KCTD16: variants seen among roughly 807,000 people sequenced by gnomAD.
KCTD16 encodes the protein BTB/POZ domain-containing protein KCTD16.
Under a neutral mutation model 33.2 loss-of-function variants are expected in KCTD16, and 13 were observed. The ratio of observed to expected loss-of-function variants is 0.39; its 90% confidence interval spans 0.25 to 0.62. KCTD16 has a LOEUF of 0.62. Among genes scored for constraint, KCTD16 ranks in the 20% least tolerant of loss-of-function variants. The probability of loss-of-function intolerance (pLI) is 0.50; values close to 1 mark genes in which losing one functional copy is unlikely to be tolerated. For missense variants in KCTD16, 441 were observed against 525.1 expected (o/e 0.84, Z 1.57); for synonymous variants, 197 against 195.3 (o/e 1.01, Z -0.07).
chr5:144,303,917 C>T, intron 3 of KCTD16, among the ~76,000 whole-genome samples: 1 of 152,178 alleles, frequency 6.6e-6, no homozygotes. Context: ...GCATATCAAC[C>T]TGGCCTATAG....
intron 3 of KCTD16, among the ~76,000 whole-genome samples, chr5:144,312,561 G>T (rs997954335): frequency 2.6e-5 from 4 of 152,146 alleles, no homozygotes; most frequent in Non-Finnish European, 4.4e-5. Flanking sequence ...AATTCAGTTT[G>T]TTCACTACAA....
chr5:144,304,313 T>C (rs995620302), intron 3 of KCTD16, among the ~76,000 whole-genome samples: 1 of 152,196 alleles, frequency 6.6e-6, no homozygotes, highest in African/African-American at 2.4e-5. Flanking sequence ...ACATGTGACA[T>C]AGCAGCAATA....
Position 144,484,512 on chromosome 5 carries a change from A to G in KCTD16, c.*10398A>G, listed in dbSNP as rs1754763948. 1 of 151,968 alleles carries G rather than the reference A, an allele frequency of 6.6e-6. No homozygotes were observed. 9.4% of individuals were successfully genotyped at this position (151,968 alleles called of 1,614,324 possible). A position where few individuals can be genotyped will look rare whatever the true frequency, so the allele number is the denominator to read the frequency against. On this transcript the variant is annotated 3_prime_UTR_variant, in exon 4 of 4. Coordinates refer to ENST00000512467, the MANE Select transcript of KCTD16 (RefSeq NM_020768.4). Reference sequence around the variant, plus strand: ...TCGTCCAAATTAAATTGACTTTTTTACATAACATCAGCACCACCCCTTACA... The same window carrying G: ...TCGTCCAAATTAAATTGACTTTTTTGCATAACATCAGCACCACCCCTTACA...
At chr5:144,310,084 T>C (rs1026818705) in intron 3 of KCTD16, among the ~76,000 whole-genome samples, 2 of 152,124 alleles carry the variant, frequency 1.3e-5, no homozygotes, top group Admixed American at 6.6e-5. Flanking sequence ...AAACTAGATA[T>C]TATTCTCCTC....
chr5:144,338,824 G>A (rs570780462), intron 3 of KCTD16, among the ~76,000 whole-genome samples: 5 of 152,228 alleles, frequency 3.3e-5, no homozygotes, highest in African/African-American at 9.6e-5. Context: ...AGGCCAAGGG[G>A]TTACTCTCAG....
intron 3 of KCTD16, among the ~76,000 whole-genome samples, chr5:144,438,927 T>G (rs1753639042): frequency 6.6e-6 from 1 of 152,160 alleles, no homozygotes; most frequent in Non-Finnish European, 1.5e-5. Context: ...CTCTCCTTAT[T>G]CGGTTAGACA....
intron 3 of KCTD16, among the ~76,000 whole-genome samples, chr5:144,353,537 G>T (rs565557302): frequency 6.6e-6 from 1 of 152,158 alleles, no homozygotes; most frequent in South Asian, 2.1e-4. Context: ...TGTCATTATT[G>T]TAAAAGTTAA....
chr5:144,328,768 C>T (rs1752276207), intron 3 of KCTD16, among the ~76,000 whole-genome samples: 1 of 152,026 alleles, frequency 6.6e-6, no homozygotes, highest in South Asian at 2.1e-4. Flanking sequence ...TTTTGCCCGC[C>T]TGCTTTATGG....
At chr5:144,463,692 G>T (rs184838605) in intron 3 of KCTD16, among the ~76,000 whole-genome samples, 19 of 152,244 alleles carry the variant, frequency 1.2e-4, no homozygotes, top group Non-Finnish European at 5.9e-5. Flanking sequence ...AAAGATTTGG[G>T]TTAGTTGCTG....
chr5:144,369,454 C>T (rs543770572), intron 3 of KCTD16: 2 of 152,250 alleles, frequency 1.3e-5, no homozygotes, highest in Admixed American at 1.3e-4. Context: ...AACCTGTAGT[C>T]AACACGTAAT....
At chr5:144,181,459 A>T (rs1752624788) in intron 2 of KCTD16, among the ~76,000 whole-genome samples, 1 of 152,218 alleles carries the variant, frequency 6.6e-6, no homozygotes. Flanking sequence ...CCTTATAGAG[A>T]TACCTGCACT....
intron 3 of KCTD16, among the ~76,000 whole-genome samples, chr5:144,317,932 C>T (rs979581554): frequency 1.3e-5 from 2 of 152,162 alleles, no homozygotes; most frequent in Middle Eastern, 3.2e-3. Flanking sequence ...TGTATTTCCC[C>T]GGAGTCTATG....
chr5:144,180,796 G>C (rs950798741), intron 2 of KCTD16, among the ~76,000 whole-genome samples: 1 of 151,840 alleles, frequency 6.6e-6, no homozygotes, highest in Non-Finnish European at 1.5e-5. Context: ...CTGAGAGAGA[G>C]AAAAAAAGCT....
At chr5:144,182,750 G>C (rs1391397669) in intron 2 of KCTD16, among the ~76,000 whole-genome samples, 4 of 152,004 alleles carry the variant, frequency 2.6e-5, no homozygotes, top group African/African-American at 9.7e-5. Context: ...CTGTCTGAGA[G>C]AGAGAGAGAG....
chr5:144,310,181 T>A (rs1330352012), intron 3 of KCTD16, among the ~76,000 whole-genome samples: 1 of 152,214 alleles, frequency 6.6e-6, no homozygotes, highest in Non-Finnish European at 1.5e-5. Flanking sequence ...CTTATTTCAC[T>A]TAACATAATG....
At chr5:144,333,370 T>C (rs1399655347) in intron 3 of KCTD16, among the ~76,000 whole-genome samples, 2 of 152,188 alleles carry the variant, frequency 1.3e-5, no homozygotes, top group African/African-American at 4.8e-5. Context: ...GTTCTTCTGC[T>C]CTTCTCATTT....
In KCTD16 at chr5:144,440,732, T is replaced by G. The variant is rs183799333; in HGVS notation, c.833-32928T>G. ...TTCTCTAATGATGAATAATGTTGAGTTTTTTTATTTTATTTTATTATTATT... is the reference window on the plus strand; with the variant it reads ...TTCTCTAATGATGAATAATGTTGAGGTTTTTTATTTTATTTTATTATTATT... On this transcript the variant is annotated intron_variant, in intron 3 of 3. Coordinates refer to ENST00000512467, the MANE Select transcript of KCTD16 (RefSeq NM_020768.4). Among the ~76,000 whole-genome samples, 65 of 152,048 alleles carry G rather than the reference T, an allele frequency of 4.3e-4. 1 individual carries two copies. In the East Asian group the frequency reaches 0.012, roughly 28 times the overall value.
intron 2 of KCTD16, among the ~76,000 whole-genome samples, chr5:144,194,180 G>T (rs777004490): frequency 9.2e-5 from 14 of 152,150 alleles, no homozygotes; most frequent in Admixed American, 3.3e-4. Flanking sequence ...AAAATGTGCA[G>T]ACTTTCACTC....
chr5:144,226,145 A>AC (rs1753925191), intron 3 of KCTD16, among the ~76,000 whole-genome samples: 1 of 152,198 alleles, frequency 6.6e-6, no homozygotes, highest in Non-Finnish European at 1.5e-5. Context: ...AGTGCAAGTC[A>AC]CCCAGCAGAT....
Sources: allele counts gnomAD v4.1 joint callset (sites outside exome capture counted in the v4.1 genomes callset), GRCh38; gene constraint gnomAD v4.1.1; transcripts MANE v1.5; gene names NCBI Gene and HGNC (gene_info 2026-07-23, HGNC 2026-07-21).